The following HS3ST5 variants were observed in gnomAD, a reference collection of about 807,000 sequenced individuals.
HS3ST5 encodes heparan sulfate-glucosamine 3-sulfotransferase 5.
Under a neutral mutation model 25.4 loss-of-function variants are expected in HS3ST5, and 10 were observed. The observed-to-expected ratio is 0.39, with a 90% CI of 0.24 to 0.67. The LOEUF (loss-of-function observed/expected upper bound fraction) is 0.67, where lower values mean the gene tolerates loss of function less well. Ranked by LOEUF, HS3ST5 falls within the 30% of genes least tolerant of loss-of-function variation. HS3ST5 has a pLI of 0.44. For missense variants in HS3ST5, 324 were observed against 420.7 expected, an observed-to-expected ratio of 0.77 and a Z score of 2.01; for synonymous variants, 170 against 162.4, an observed-to-expected ratio of 1.05 and a Z score of -0.36.
intron 1 of HS3ST5, among the ~76,000 whole-genome samples, chr6:114,259,051 T>C (rs1400925456): frequency 2.6e-5 from 4 of 152,210 alleles, no homozygotes; most frequent in Non-Finnish European, 5.9e-5. Context: ...TCACAGTGTC[T>C]GACCAGTAGT....
chr6:114,234,042 G>C (rs1771737738), intron 1 of HS3ST5, among the ~76,000 whole-genome samples: 1 of 152,172 alleles, frequency 6.6e-6, no homozygotes, highest in Non-Finnish European at 1.5e-5. Context: ...TGTTTTCCAA[G>C]TTGGAGAACG....
chr6:114,283,410 T>A (rs1273644748), intron 1 of HS3ST5, among the ~76,000 whole-genome samples: 1 of 151,954 alleles, frequency 6.6e-6, no homozygotes, highest in Non-Finnish European at 1.5e-5. Flanking sequence ...ATAAATGCTA[T>A]CAAGACTACA....
At chr6:114,268,685 G>A (rs1191636175) in intron 1 of HS3ST5, among the ~76,000 whole-genome samples, 1 of 152,232 alleles carries the variant, frequency 6.6e-6, no homozygotes, top group African/African-American at 2.4e-5. Context: ...GAAGGCAGCA[G>A]TTAAAAGGGA....
chr6:114,074,396 G>A (rs1250048653), intron 3 of HS3ST5, among the ~76,000 whole-genome samples: 2 of 151,484 alleles, frequency 1.3e-5, no homozygotes, highest in Non-Finnish European at 2.9e-5. Flanking sequence ...TAGTTGTTAA[G>A]TATTTACCAG....
chr6:114,178,606 G>A (rs1216720034), intron 2 of HS3ST5: 1 of 152,202 alleles, frequency 6.6e-6, no homozygotes, highest in Non-Finnish European at 1.5e-5. Flanking sequence ...TCATTGTGAA[G>A]TTTTAATTCC....
chr6:114,164,035 T>C (rs1297811871), intron 3 of HS3ST5, among the ~76,000 whole-genome samples: 1 of 152,182 alleles, frequency 6.6e-6, no homozygotes, highest in Non-Finnish European at 1.5e-5. Flanking sequence ...CAGCTGGTAC[T>C]TTATTAAGAG....
chr6:114,264,435 C>T (rs1266297069), intron 1 of HS3ST5, among the ~76,000 whole-genome samples: 1 of 152,254 alleles, frequency 6.6e-6, no homozygotes, highest in African/African-American at 2.4e-5. Flanking sequence ...CATAGAAGAG[C>T]AAATTTCTTC....
chr6:114,304,758 G>T lies in HS3ST5; in HGVS notation c.-339+37437C>A, dbSNP rs565008738. Among the ~76,000 whole-genome samples the T allele has an allele frequency of 2.0e-5, 3 of 152,182 alleles. No homozygotes were observed. The South Asian group carries it at 6.2e-4, about 32-fold the overall frequency. Reference sequence around the variant, plus strand: ...TGTCCTTTCCAAGCAAACAAAAACTGCAAGAAGAGATAGATTGTTTTATAT... The same window carrying T: ...TGTCCTTTCCAAGCAAACAAAAACTTCAAGAAGAGATAGATTGTTTTATAT... On this transcript the variant is annotated intron_variant, in intron 1 of 4. Transcript: ENST00000312719.
rs371348244 is a variant in HS3ST5, at chr6:114,062,721, T to C, written c.107+18A>G. 6.6e-7 allele frequency: 1 copy of C among 1,514,026 alleles called. No individual in the cohort carries two copies. Among genetic ancestry groups the C allele is most frequent in the African/African-American group, 1.4e-5 (1 of 73,052 alleles). The allele number at this position is 1,514,026 out of a possible 1,614,324, so 93.8% of individuals were successfully genotyped here. A position where few individuals can be genotyped will look rare whatever the true frequency, so the allele number is the denominator to read the frequency against. On this transcript the variant is annotated intron_variant, in intron 4 of 4. Coordinates refer to ENST00000312719, the MANE Select transcript of HS3ST5 (RefSeq NM_153612.4). ...CCTTAATGTCACAGGGGTATAAGCA[T>C]GTGTTTTAAGCACCCACCTATCCAA...
At chr6:114,154,303 A>G (rs1778596186) in intron 3 of HS3ST5, among the ~76,000 whole-genome samples, 1 of 152,134 alleles carries the variant, frequency 6.6e-6, no homozygotes, top group African/African-American at 2.4e-5. Context: ...ATCCTGCTCA[A>G]TATTCCAGCT....
intron 2 of HS3ST5, among the ~76,000 whole-genome samples, chr6:114,204,651 T>C (rs991246558): frequency 6.6e-6 from 1 of 152,214 alleles, no homozygotes; most frequent in Non-Finnish European, 1.5e-5. Flanking sequence ...ACTTTTATAG[T>C]ATAAAACACA....
At chr6:114,279,722 A>G (rs555846248) in intron 1 of HS3ST5, among the ~76,000 whole-genome samples, 18 of 152,094 alleles carry the variant, frequency 1.2e-4, no homozygotes, top group African/African-American at 4.3e-4. Context: ...CAGATATAGG[A>G]CATGTCTCTT....
At chr6:114,111,920 A>AGT (rs1276173719) in intron 3 of HS3ST5, among the ~76,000 whole-genome samples, 235 of 152,170 alleles carry the variant, frequency 1.5e-3, no homozygotes, top group African/African-American at 5.2e-3. Flanking sequence ...TCCACTCCAG[A>AGT]AATTTTCTGA....
chr6:114,249,448 A>G (rs1374839129), intron 1 of HS3ST5, among the ~76,000 whole-genome samples: 1 of 152,204 alleles, frequency 6.6e-6, no homozygotes, highest in East Asian at 1.9e-4. Flanking sequence ...CATAACTATC[A>G]TTCTACACCT....
At chr6:114,294,682 C>T (rs1230966453) in intron 1 of HS3ST5, among the ~76,000 whole-genome samples, 1 of 152,070 alleles carries the variant, frequency 6.6e-6, no homozygotes, top group Non-Finnish European at 1.5e-5. Context: ...ATCTGCCCAC[C>T]TCGGCCTCCC....
chr6:114,237,919 A>G (rs148231449), intron 1 of HS3ST5, among the ~76,000 whole-genome samples: 69 of 152,360 alleles, frequency 4.5e-4, no homozygotes, highest in African/African-American at 1.6e-3. Flanking sequence ...GTCAGAATAT[A>G]CACTTTCTAA....
At chr6:114,145,974 T>A (rs1292197484) in intron 3 of HS3ST5, among the ~76,000 whole-genome samples, 1 of 152,232 alleles carries the variant, frequency 6.6e-6, no homozygotes, top group Non-Finnish European at 1.5e-5. Context: ...ATTTTCCTAA[T>A]GTTGTGATGG....
intron 1 of HS3ST5, among the ~76,000 whole-genome samples, chr6:114,330,264 A>AT (rs1010550961): frequency 3.6e-4 from 54 of 152,008 alleles, no homozygotes; most frequent in African/African-American, 1.2e-3. Flanking sequence ...GGAATTCTGA[A>AT]TTTTTTTTAC....
chr6:114,250,412 T>A (rs560081469), intron 1 of HS3ST5, among the ~76,000 whole-genome samples: 242 of 152,172 alleles, frequency 1.6e-3, no homozygotes, highest in African/African-American at 5.6e-3. Context: ...AAACCCCGTC[T>A]CTACTAAAAA....
Sources: allele counts gnomAD v4.1 joint callset (sites outside exome capture counted in the v4.1 genomes callset), GRCh38; gene constraint gnomAD v4.1.1; transcripts MANE v1.5; gene names NCBI Gene and HGNC (gene_info 2026-07-23, HGNC 2026-07-21).